The following RNF145 variants were observed in gnomAD, a reference collection of about 807,000 sequenced individuals.
RNF145 encodes ring finger protein 145.
RNF145 carries 12 observed loss-of-function variants against 57.3 expected under a neutral mutation model. The ratio of observed to expected loss-of-function variants is 0.21; its 90% CI spans 0.13 to 0.34. RNF145 has a LOEUF of 0.34. Ranked by LOEUF, RNF145 falls within the 10% of genes least tolerant of loss-of-function variation. The probability of loss-of-function intolerance (pLI) is 1.00; values close to 1 mark genes in which losing one functional copy is unlikely to be tolerated. For missense variants in RNF145, 429 were observed against 799.0 expected (o/e 0.54, Z 5.58); for synonymous variants, 262 against 288.3 (o/e 0.91, Z 0.92).
At chr5:159,168,199 T>C (rs548892700) in intron 8 of RNF145, among the ~76,000 whole-genome samples, 16 of 152,304 alleles carry the variant, frequency 1.1e-4, no homozygotes, top group Admixed American at 2.0e-4. Flanking sequence ...TTATACAATG[T>C]ATACAGCTCT....
intron 1 of RNF145, among the ~76,000 whole-genome samples, chr5:159,206,373 A>C (rs1474148025): frequency 2.0e-5 from 3 of 152,188 alleles, no homozygotes; most frequent in Admixed American, 6.5e-5. Context: ...AAAGAGAAAA[A>C]AATTTCAAAA....
At chr5:159,187,617 A>G (rs10079720) in intron 3 of RNF145, among the ~76,000 whole-genome samples, 46,079 of 151,680 alleles carry the variant, frequency 0.3, 7,838 homozygotes, top group East Asian at 0.45. Flanking sequence ...GTGTGCCACC[A>G]CTCCCGGCCT....
intron 2 of RNF145, among the ~76,000 whole-genome samples, chr5:159,199,941 T>C (rs1037722304): frequency 6.6e-6 from 1 of 152,130 alleles, no homozygotes; most frequent in Admixed American, 6.5e-5. Flanking sequence ...TATTGCTCCC[T>C]CCCTTAATTT....
At chr5:159,182,554 T>C (rs1440680007) in intron 3 of RNF145, among the ~76,000 whole-genome samples, 1 of 152,122 alleles carries the variant, frequency 6.6e-6, no homozygotes, top group Non-Finnish European at 1.5e-5. Flanking sequence ...CCCTTAAAAA[T>C]TATCATTTTC....
intron 9 of RNF145, among the ~76,000 whole-genome samples, chr5:159,162,425 C>CTTTTTTTTTTTTTTTTTTTTT (rs201178143): frequency 7.4e-6 from 1 of 134,574 alleles, no homozygotes; most frequent in Non-Finnish European, 1.6e-5. Context: ...GTAATATTTT[C>CTTTTTTTTTTTTTTTTTTTTT]TTTTTTTTTT....
At position 159,161,560 on chromosome 5, in the gene RNF145, C is replaced by T. The variant is rs1477083652; in HGVS notation, c.1332G>A (p.Val444=). The change falls in exon 10 of 11, where the codon GTG becomes GTA. Residue 444 remains valine (V), a synonymous_variant. Transcript: ENST00000424310. ...AGTAGATGACATCATCCATGTTTTC[C>T]ACTGGCTCTTTTCTGAATTCCTCAA... The part of the protein sequence containing the change: ...FMVEEFRKEP[V]ENMDDVIYYV... 1.9e-6 allele frequency: 3 copies of T among 1,613,504 alleles called. No homozygotes were observed. Among genetic ancestry groups the T allele is most frequent in the Non-Finnish European group, 2.5e-6 (3 of 1,179,880 alleles).
chr5:159,199,377 G>A (rs1221739433), intron 2 of RNF145, among the ~76,000 whole-genome samples: 3 of 115,368 alleles, frequency 2.6e-5, no homozygotes, highest in African/African-American at 7.7e-5. Flanking sequence ...AGGGAGTTAG[G>A]AGAAAAATCA....
At position 159,209,479 on chromosome 5, in the gene RNF145, A is replaced by T; in HGVS notation, c.-288T>A. On this transcript the variant is annotated 5_prime_UTR_variant, in exon 1 of 11. Transcript: ENST00000424310. The stretch of plus-strand genomic sequence containing the variant: ...CGCGGCAGCAGGCGCTCGCGGGCCG[A>T]GCCCCTTAGCAGCCGGCGCCGGCGT... 1 of 750,066 alleles carries T rather than the reference A, an allele frequency of 1.3e-6. No homozygotes were observed. Among genetic ancestry groups the T allele is most frequent in the Non-Finnish European group, 1.6e-6 (1 of 633,404 alleles). 46.5% of individuals were successfully genotyped at this position (750,066 alleles called of 1,614,324 possible).
chr5:159,182,288 G>T (rs1352877815), intron 3 of RNF145, among the ~76,000 whole-genome samples: 1 of 152,030 alleles, frequency 6.6e-6, no homozygotes, highest in Non-Finnish European at 1.5e-5. Flanking sequence ...TCCACATTAT[G>T]AAATTTTCTT....
In RNF145 at chr5:159,208,625, C is replaced by G. The variant is rs146897810; in HGVS notation, c.-40+606G>C. On this transcript the variant is annotated intron_variant, in intron 1 of 10. Transcript: ENST00000424310. The stretch of plus-strand genomic sequence containing the variant: ...AGGCCCTTCCGCACCCCCAAACAAC[C>G]TCGCACCACCTGAAAGCGGGGAGCT... Among the ~76,000 whole-genome samples the G allele has an allele frequency of 6.0e-3, 918 of 152,236 alleles. 10 individuals carry two copies. The highest frequency in any genetic ancestry group is 0.021 in the African/African-American group (863 of 41,526).
intron 6 of RNF145, among the ~76,000 whole-genome samples, chr5:159,173,308 ATTC>A (rs1784614595): frequency 1.3e-5 from 2 of 152,156 alleles, no homozygotes; most frequent in Admixed American, 1.3e-4. Flanking sequence ...GCCCAAGACA[ATTC>A]TTCTTCCAAT....
intron 3 of RNF145, among the ~76,000 whole-genome samples, chr5:159,184,156 T>C (rs1403831116): frequency 6.6e-6 from 1 of 152,226 alleles, no homozygotes; most frequent in Admixed American, 6.5e-5. Flanking sequence ...TTTGGTTTTG[T>C]CACATATTAT....
chr5:159,175,724 A>G (rs1784701219), intron 5 of RNF145, among the ~76,000 whole-genome samples: 1 of 152,166 alleles, frequency 6.6e-6, no homozygotes, highest in Non-Finnish European at 1.5e-5. Context: ...GAATCAGGCT[A>G]AGGCCAAAAG....
At chr5:159,174,922 T>C (rs1417066726) in intron 5 of RNF145, among the ~76,000 whole-genome samples, 1 of 152,184 alleles carries the variant, frequency 6.6e-6, no homozygotes, top group African/African-American at 2.4e-5. Flanking sequence ...TAACCAAGTT[T>C]CTAGAGTTAC....
chr5:159,162,727 C>T (rs1784270582), intron 9 of RNF145, among the ~76,000 whole-genome samples: 1 of 152,212 alleles, frequency 6.6e-6, no homozygotes, highest in South Asian at 2.1e-4. Flanking sequence ...AGCCACCGCG[C>T]CCGGCCGGTT....
In RNF145 at chr5:159,161,575, G is replaced by A; in HGVS notation, c.1317C>T (p.Phe439=). The change falls in exon 10 of 11, where the codon TTC becomes TTT. Residue 439 remains phenylalanine (F), a synonymous_variant. Coordinates refer to ENST00000424310, the MANE Select transcript of RNF145 (RefSeq NM_001199383.2). ...CCATGTTTTCCACTGGCTCTTTTCTGAATTCCTCAACCATAAATAAGACAT... is the reference window on the plus strand; with the variant it reads ...CCATGTTTTCCACTGGCTCTTTTCTAAATTCCTCAACCATAAATAAGACAT... ...FIYVLFMVEE[F]RKEPVENMDD... is the part of the protein sequence containing the mutation. The A allele has an allele frequency of 1.2e-6, 2 of 1,611,142 alleles. No homozygotes were observed. The highest frequency in any genetic ancestry group is 1.7e-6 in the Non-Finnish European group (2 of 1,178,726).
chr5:159,185,402 A>T (rs1267289959), intron 3 of RNF145, among the ~76,000 whole-genome samples: 1 of 152,200 alleles, frequency 6.6e-6, no homozygotes. Context: ...CTGAAATAAG[A>T]ATCAGGGTTA....
chr5:159,198,897 G>C (rs993963354), intron 2 of RNF145, among the ~76,000 whole-genome samples: 1 of 151,988 alleles, frequency 6.6e-6, no homozygotes, highest in Non-Finnish European at 1.5e-5. Context: ...AGGGTTACTT[G>C]AGCCCAGGAG....
In RNF145 at chr5:159,209,553, C is replaced by G. The variant is rs923439466; in HGVS notation, c.-362G>C. The stretch of plus-strand genomic sequence containing the variant: ...TGCTCCTCCCGCCCCCGGCGCTCTG[C>G]GGCGGCCGCGGCCCGACTTCCGCAC... On this transcript the variant is annotated 5_prime_UTR_variant, in exon 1 of 11. Transcript: ENST00000424310. 35 of 986,726 alleles carry G rather than the reference C, an allele frequency of 3.5e-5. No homozygotes were observed. Among genetic ancestry groups the G allele is most frequent in the Non-Finnish European group, 3.9e-5 (32 of 830,990 alleles). 61.1% of individuals were successfully genotyped at this position (986,726 alleles called of 1,614,324 possible). A position where few individuals can be genotyped will look rare whatever the true frequency, so the allele number is the denominator to read the frequency against.
Sources: allele counts gnomAD v4.1 joint callset (sites outside exome capture counted in the v4.1 genomes callset), GRCh38; gene constraint gnomAD v4.1.1; transcripts MANE v1.5; gene names NCBI Gene and HGNC (gene_info 2026-07-23, HGNC 2026-07-21).